Variants in GLRA3 observed in about 807,000 individuals in gnomAD.
The protein encoded by GLRA3 is glycine receptor alpha 3.
A neutral mutation model predicts 60.4 loss-of-function variants in GLRA3; 44 were observed. The ratio of observed to expected loss-of-function variants is 0.73; its 90% CI spans 0.57 to 0.94. GLRA3 has a LOEUF of 0.94. GLRA3 is among the 40% of genes least tolerant of loss of function. The pLI is 0.00. For synonymous variants in GLRA3, 223 were observed against 192.9 expected, an observed-to-expected ratio of 1.16 and a Z score of -1.29; for missense variants, 508 against 564.6, an observed-to-expected ratio of 0.90 and a Z score of 1.02.
intron 7 of GLRA3, among the ~76,000 whole-genome samples, chr4:174,672,452 C>A (rs1313324430): frequency 6.6e-6 from 1 of 152,124 alleles, no homozygotes; most frequent in African/African-American, 2.4e-5. Flanking sequence ...TTCGGTTTGG[C>A]CATGAGACTT....
chr4:174,815,824 G>T (rs1339133493), intron 1 of GLRA3, among the ~76,000 whole-genome samples: 2 of 152,158 alleles, frequency 1.3e-5, no homozygotes, highest in Non-Finnish European at 1.5e-5. Flanking sequence ...CTGCCACAAA[G>T]TTCTCTGACT....
At position 174,826,820 on chromosome 4, in the gene GLRA3, A is replaced by T. The variant is rs116639981; in HGVS notation, c.71+1921T>A. Among the ~76,000 whole-genome samples the T allele has an allele frequency of 2.4e-3, 362 of 149,074 alleles. 1 individual carries two copies. Among genetic ancestry groups the T allele is most frequent in the Non-Finnish European group, 4.3e-3 (287 of 67,522 alleles). On this transcript the variant is annotated intron_variant, in intron 1 of 9. Coordinates refer to ENST00000274093, the MANE Select transcript of GLRA3 (RefSeq NM_006529.4). ...CAGGGCTAGAATTAGAGAATAAAGA[A>T]TCATTTCCAGGAAGACATTTATTTT...
In GLRA3 at chr4:174,763,832, A is replaced by G. The variant is rs567010180; in HGVS notation, c.267+3131T>C. Reference sequence around the variant, plus strand: ...TTATTTTTAATTTAATATTTTTAAGAACGGGAATTTCCAGTAGTTGTTAAA... The same window carrying G: ...TTATTTTTAATTTAATATTTTTAAGGACGGGAATTTCCAGTAGTTGTTAAA... On this transcript the variant is annotated intron_variant, in intron 3 of 9. Coordinates refer to ENST00000274093, the MANE Select transcript of GLRA3 (RefSeq NM_006529.4). Among the ~76,000 whole-genome samples, 6 of 152,280 alleles carry G rather than the reference A, an allele frequency of 3.9e-5. No individual in the cohort carries two copies. The South Asian group carries it at 8.3e-4, about 21-fold the overall frequency.
rs189152952 is a variant in GLRA3 at position 174,702,854 on chromosome 4, T to C, written c.574+12634A>G. Among the ~76,000 whole-genome samples the C allele has an allele frequency of 2.0e-4, 30 of 152,360 alleles. No homozygotes were observed. In the East Asian group the frequency reaches 5.8e-3, roughly 29 times the overall value. On this transcript the variant is annotated intron_variant, in intron 5 of 9. Coordinates refer to ENST00000274093, the MANE Select transcript of GLRA3 (RefSeq NM_006529.4). Reference sequence around the variant, plus strand: ...TATTTTAAATTCTATTGATGGTATATTTGAATCATATTCATATATAAAGGA... The same window carrying C: ...TATTTTAAATTCTATTGATGGTATACTTGAATCATATTCATATATAAAGGA...
Position 174,637,881 on chromosome 4 carries a change from G to T in GLRA3, c.*5905C>A, listed in dbSNP as rs1314002000. 6.6e-6 allele frequency: 1 copy of T among 151,972 alleles called. No individual in the cohort carries two copies. Among genetic ancestry groups the T allele is most frequent in the African/African-American group, 2.4e-5 (1 of 41,376 alleles). 9.4% of individuals were successfully genotyped at this position (151,972 alleles called of 1,614,324 possible). ...TTTTCATCAATTTCTATTTATCTAT[G>T]TAGATAATTAATTTTATATTTCATT... On this transcript the variant is annotated 3_prime_UTR_variant, in exon 10 of 10. Transcript: ENST00000274093.
At position 174,800,204 on chromosome 4, in the gene GLRA3, T is replaced by C. The variant is rs75699250; in HGVS notation, c.72-11261A>G. 6.8e-3 allele frequency among the ~76,000 whole-genome samples: 1,039 copies of C among 152,120 alleles called. 5 individuals are homozygous for C. The highest frequency in any genetic ancestry group is 0.01 in the Non-Finnish European group (682 of 67,932). On this transcript the variant is annotated intron_variant, in intron 1 of 9. Coordinates refer to ENST00000274093, the MANE Select transcript of GLRA3 (RefSeq NM_006529.4). ...TAAAATGAAAGATAGAGAATAGACT[T>C]GATACATCATAGTAAACATGCAAAA...
At chr4:174,765,161 G>A (rs1459010174) in intron 3 of GLRA3, among the ~76,000 whole-genome samples, 1 of 146,556 alleles carries the variant, frequency 6.8e-6, no homozygotes, top group Non-Finnish European at 1.5e-5. Flanking sequence ...GCAAGCTTTT[G>A]CAGAATGCTA....
intron 2 of GLRA3, among the ~76,000 whole-genome samples, chr4:174,788,337 T>C (rs1215925394): frequency 6.6e-6 from 1 of 152,042 alleles, no homozygotes; most frequent in Non-Finnish European, 1.5e-5. Flanking sequence ...TAATGTCTTA[T>C]ACATTTCAAA....
chr4:174,793,150 T>C (rs1739423348), intron 1 of GLRA3, among the ~76,000 whole-genome samples: 1 of 152,188 alleles, frequency 6.6e-6, no homozygotes, highest in Non-Finnish European at 1.5e-5. Context: ...AGAGAATTTA[T>C]GGAGGTCCTT....
chr4:174,770,268 C>G (rs1000933427), intron 2 of GLRA3, among the ~76,000 whole-genome samples: 7 of 152,096 alleles, frequency 4.6e-5, no homozygotes, highest in East Asian at 1.9e-4. Flanking sequence ...ACCATAGATG[C>G]TTAATTCTCA....
chr4:174,650,885 T>A (rs1328308028), intron 9 of GLRA3, among the ~76,000 whole-genome samples: 2 of 152,186 alleles, frequency 1.3e-5, no homozygotes, highest in Admixed American at 6.5e-5. Flanking sequence ...GAGCTTGTCC[T>A]GAGTATCAAC....
At chr4:174,718,004 T>C (rs1735988218) in intron 4 of GLRA3, among the ~76,000 whole-genome samples, 1 of 152,158 alleles carries the variant, frequency 6.6e-6, no homozygotes, top group Non-Finnish European at 1.5e-5. Context: ...ATCCTGGCTA[T>C]TTTTCTGGCA....
chr4:174,778,568 G>C (rs1272318379), intron 2 of GLRA3, among the ~76,000 whole-genome samples: 1 of 152,142 alleles, frequency 6.6e-6, no homozygotes, highest in African/African-American at 2.4e-5. Context: ...GAGGTACCGG[G>C]TTCATCTCAC....
chr4:174,749,391 TG>T (rs1737374832), intron 3 of GLRA3, among the ~76,000 whole-genome samples: 1 of 152,122 alleles, frequency 6.6e-6, no homozygotes, highest in Non-Finnish European at 1.5e-5. Context: ...AGAGGAGTTG[TG>T]GGAATAGGCA....
intron 3 of GLRA3, among the ~76,000 whole-genome samples, chr4:174,750,700 TATC>T (rs567970015): frequency 1.1e-3 from 169 of 152,260 alleles, no homozygotes; most frequent in Non-Finnish European, 2.2e-3. Context: ...TGGATCCTGT[TATC>T]ATAAATGGAG....
At chr4:174,811,906 C>T (rs971222649) in intron 1 of GLRA3, among the ~76,000 whole-genome samples, 1 of 152,032 alleles carries the variant, frequency 6.6e-6, no homozygotes, top group African/African-American at 2.4e-5. Flanking sequence ...AAAATGATTA[C>T]ATAAAATCAA....
chr4:174,738,803 A>T (rs1375009010), intron 3 of GLRA3, among the ~76,000 whole-genome samples: 2 of 152,244 alleles, frequency 1.3e-5, no homozygotes, highest in Non-Finnish European at 2.9e-5. Context: ...GTAGGACAAG[A>T]ACAACAACTG....
chr4:174,790,938 G>C (rs1377930952), intron 1 of GLRA3, among the ~76,000 whole-genome samples: 5 of 150,382 alleles, frequency 3.3e-5, no homozygotes, highest in Non-Finnish European at 7.4e-5. Flanking sequence ...TGGGAGGTGG[G>C]GCTTGCAGTG....
chr4:174,654,432 C>T (rs1579392599), intron 9 of GLRA3, among the ~76,000 whole-genome samples: 1 of 151,932 alleles, frequency 6.6e-6, no homozygotes, highest in South Asian at 2.1e-4. Flanking sequence ...AAAAGATAAC[C>T]ATTGTGCCTA....
Sources: gnomAD v4.1 joint callset for allele counts (sites outside exome capture counted in the v4.1 genomes callset) on GRCh38, gnomAD v4.1.1 for gene constraint, MANE v1.5 for transcripts, NCBI Gene and HGNC (gene_info 2026-07-23, HGNC 2026-07-21) for gene names.